Variants in CRTC3 observed in about 807,000 individuals in gnomAD.
CRTC3 encodes CREB regulated transcription coactivator 3, also known as CREB-regulated transcription coactivator 3.
In CRTC3, 26 loss-of-function variants were observed where a neutral mutation model predicts 74.5. The observed-to-expected ratio is 0.35, with a 90% CI of 0.26 to 0.48. The LOEUF (loss-of-function observed/expected upper bound fraction) is 0.48, where lower values mean the gene tolerates loss of function less well. CRTC3 is among the 20% of genes least tolerant of loss of function. CRTC3 has a pLI of 0.99. For synonymous variants in CRTC3, 377 were observed against 325.8 expected (o/e 1.16, Z -1.69); for missense variants, 760 against 787.3 (o/e 0.97, Z 0.41).
chr15:90,553,278 C>T (rs1322778966), intron 2 of CRTC3, among the ~76,000 whole-genome samples: 1 of 152,172 alleles, frequency 6.6e-6, no homozygotes, highest in African/African-American at 2.4e-5. Context: ...GTGTGATGTG[C>T]TCACTGGTTT....
chr15:90,534,596 A>C (rs1966687114), intron 1 of CRTC3, among the ~76,000 whole-genome samples: 1 of 140,688 alleles, frequency 7.1e-6, no homozygotes, highest in South Asian at 2.2e-4. Context: ...TAGGGCTAAC[A>C]ATGAATATTG....
intron 5 of CRTC3, among the ~76,000 whole-genome samples, chr15:90,605,639 C>T (rs1968197767): frequency 6.6e-6 from 1 of 152,194 alleles, no homozygotes; most frequent in Admixed American, 6.5e-5. Flanking sequence ...GAACCCAGGT[C>T]TCTCTGATCT....
intron 9 of CRTC3, among the ~76,000 whole-genome samples, chr15:90,624,064 G>C (rs909950654): frequency 6.6e-6 from 1 of 152,128 alleles, no homozygotes; most frequent in Non-Finnish European, 1.5e-5. Context: ...CTACTGAATT[G>C]TATTATGTTG....
At chr15:90,555,471 A>G (rs879374220) in intron 2 of CRTC3, among the ~76,000 whole-genome samples, 16 of 152,176 alleles carry the variant, frequency 1.1e-4, no homozygotes, top group Non-Finnish European at 2.1e-4. Flanking sequence ...TACAATAACT[A>G]TAGCACAAAG....
intron 2 of CRTC3, among the ~76,000 whole-genome samples, chr15:90,589,207 C>T (rs1404077575): frequency 1.3e-5 from 2 of 151,928 alleles, no homozygotes; most frequent in Non-Finnish European, 2.9e-5. Context: ...CAGGCATGCA[C>T]CACCATGCCC....
rs114368277 is a variant in CRTC3 at position 90,559,640 on chromosome 15, T to C, written c.231+19503T>C. 5.0e-3 allele frequency among the ~76,000 whole-genome samples: 764 copies of C among 152,284 alleles called. 3 individuals carry two copies. The highest frequency in any genetic ancestry group is 0.018 in the African/African-American group (732 of 41,554). ...TGGTTGTTTGTTTGTTTGTTTGTTT[T>C]TCGAGGCAAGGTCTCACTCTGTCAG... On this transcript the variant is annotated intron_variant, in intron 2 of 14. Coordinates refer to ENST00000268184, the MANE Select transcript of CRTC3 (RefSeq NM_022769.5).
chr15:90,533,520 G>A (rs1212142557), intron 1 of CRTC3, among the ~76,000 whole-genome samples: 1 of 152,084 alleles, frequency 6.6e-6, no homozygotes, highest in African/African-American at 2.4e-5. Flanking sequence ...CAGTATTTGA[G>A]TGCCTACTTT....
At chr15:90,533,324 G>GGCAGGAGGGAGGCTGCT (rs1966662976) in intron 1 of CRTC3, among the ~76,000 whole-genome samples, 1 of 151,290 alleles carries the variant, frequency 6.6e-6, no homozygotes, top group African/African-American at 2.4e-5. Flanking sequence ...GGGAGGCTGC[G>GGCAGGAGGGAGGCTGCT]GCAGGAGAAT....
intron 11 of CRTC3, among the ~76,000 whole-genome samples, chr15:90,630,373 T>C (rs144320556): frequency 7.9e-4 from 121 of 152,360 alleles, no homozygotes; most frequent in African/African-American, 2.8e-3. Flanking sequence ...ATGCTAAGTA[T>C]GTTGAGGATT....
chr15:90,615,027 G>A (rs574092233), intron 7 of CRTC3, among the ~76,000 whole-genome samples: 6 of 152,046 alleles, frequency 3.9e-5, no homozygotes, highest in Non-Finnish European at 8.8e-5. Context: ...TTGTGCCACT[G>A]CACTCCAGTC....
intron 2 of CRTC3, among the ~76,000 whole-genome samples, chr15:90,561,401 A>G (rs1967008045): frequency 6.6e-6 from 1 of 152,188 alleles, no homozygotes. Context: ...CTAATTCTTC[A>G]CAGACTAGAT....
chr15:90,634,697 G>A (rs774938973), intron 11 of CRTC3: 61 of 661,110 alleles, frequency 9.2e-5, no homozygotes, highest in South Asian at 1.6e-4. Context: ...ACACTAGAGC[G>A]GAGTATGAGA....
At chr15:90,589,639 G>A (rs551877202) in intron 2 of CRTC3, among the ~76,000 whole-genome samples, 2 of 152,342 alleles carry the variant, frequency 1.3e-5, no homozygotes, top group South Asian at 2.1e-4. Context: ...GATTATAGGC[G>A]TGAGCCACTA....
intron 2 of CRTC3, among the ~76,000 whole-genome samples, chr15:90,547,168 T>C (rs1250112150): frequency 1.3e-5 from 2 of 152,236 alleles, no homozygotes; most frequent in Non-Finnish European, 2.9e-5. Flanking sequence ...TTTTCATAAA[T>C]GTATACCTTG....
At chr15:90,620,092 G>T (rs1318379559) in intron 9 of CRTC3, 1 of 324,888 alleles carries the variant, frequency 3.1e-6, no homozygotes, top group Non-Finnish European at 5.7e-6. Context: ...GCAGAAACGT[G>T]CAGGAATCGA....
Position 90,602,330 on chromosome 15 carries a change from G to A in CRTC3, c.358G>A (p.Gly120Ser). The change falls in exon 4 of 15, where the codon GGT becomes AGT. Residue 120 changes from glycine (G) to serine (S), a missense_variant. Gly to Ser is a moderately conservative substitution (Grantham distance 56). Around this residue, in one of 2 missense-constraint regions of CRTC3, gnomAD observed 652 missense variants for 635.2 expected, o/e 1.03. Coordinates refer to ENST00000268184, the MANE Select transcript of CRTC3 (RefSeq NM_022769.5). Reference sequence around the variant, plus strand: ...CCTTTATTAAAAATTCTACTTTGATGGTAGTGCTTTTGGAGCCAATTATTC... The same window carrying A: ...CCTTTATTAAAAATTCTACTTTGATAGTAGTGCTTTTGGAGCCAATTATTC... ...SGDKPGRQFDGSAFGANYSSQ... is the reference protein window; with the variant it reads ...SGDKPGRQFDSSAFGANYSSQ... 2 of 1,577,542 alleles carry A rather than the reference G, an allele frequency of 1.3e-6. No homozygotes were observed. Among genetic ancestry groups the A allele is most frequent in the East Asian group, 2.2e-5 (1 of 44,648 alleles).
intron 2 of CRTC3, among the ~76,000 whole-genome samples, chr15:90,571,621 A>C (rs573354694): frequency 6.6e-6 from 1 of 152,318 alleles, no homozygotes; most frequent in African/African-American, 2.4e-5. Context: ...TTGCTCACTT[A>C]TTTATTCTTC....
At chr15:90,545,726 G>A (rs928901148) in intron 2 of CRTC3, among the ~76,000 whole-genome samples, 4 of 141,722 alleles carry the variant, frequency 2.8e-5, no homozygotes, top group East Asian at 2.0e-4. Flanking sequence ...ACAGGCACCT[G>A]CCACCACGCC....
chr15:90,573,707 A>G (rs1567170460), intron 2 of CRTC3, among the ~76,000 whole-genome samples: 1 of 152,084 alleles, frequency 6.6e-6, no homozygotes, highest in East Asian at 1.9e-4. Context: ...GTAACTTTGT[A>G]ATATGTTCTT....
Sources: gnomAD v4.1 joint callset for allele counts (sites outside exome capture counted in the v4.1 genomes callset) on GRCh38, gnomAD v4.1.1 for gene constraint, gnomAD v4.1.1 regional missense constraint, MANE v1.5 for transcripts, NCBI Gene and HGNC (gene_info 2026-07-23, HGNC 2026-07-21) for gene names.